The following SDK1 variants were observed in gnomAD, a reference collection of about 807,000 sequenced individuals.
SDK1 encodes sidekick cell adhesion molecule 1, also known as protein sidekick-1.
Under a neutral mutation model 245.5 loss-of-function variants are expected in SDK1, and 157 were observed. The observed-to-expected ratio is 0.64, with a 90% CI of 0.56 to 0.73. SDK1 has a LOEUF of 0.73. Ranked by LOEUF, SDK1 falls within the 30% of genes least tolerant of loss-of-function variation. The pLI is 0.00. For synonymous variants in SDK1, 1,647 were observed against 1,278.5 expected (o/e 1.29, Z -6.15); for missense variants, 3,583 against 3,002.3 (o/e 1.19, Z -4.52).
rs546174942 is a variant in SDK1, at chr7:4,213,411, C to CA, written c.5539+3262dup. ...TGGGCGACAGAGCAAGACTCCGTCT[C>CA]AAAAAAAAAAAAAGAAAACAAAAAT... On this transcript the variant is annotated intron_variant, in intron 38 of 44. Transcript: ENST00000404826. 3.6e-3 allele frequency among the ~76,000 whole-genome samples: 485 copies of CA among 136,208 alleles called. 1 individual carries two copies. The highest frequency in any genetic ancestry group is 4.3e-3 in the Non-Finnish European group (270 of 62,794). 89.4% of individuals were successfully genotyped at this position (136,208 alleles called of 152,430 possible).
At chr7:3,584,816 C>A (rs1183290841) in intron 1 of SDK1, among the ~76,000 whole-genome samples, 1 of 151,832 alleles carries the variant, frequency 6.6e-6, no homozygotes, top group Non-Finnish European at 1.5e-5. Context: ...CTCCGCCTCC[C>A]GGGTTCACGC....
chr7:3,946,435 G>A (rs368387362), intron 5 of SDK1, among the ~76,000 whole-genome samples: 4 of 151,812 alleles, frequency 2.6e-5, no homozygotes, highest in Admixed American at 6.6e-5. Flanking sequence ...CCACCTCAGC[G>A]TCCTGAGTAG....
intron 2 of SDK1, among the ~76,000 whole-genome samples, chr7:3,621,044 C>G (rs1781922801): frequency 6.6e-6 from 1 of 152,102 alleles, no homozygotes; most frequent in South Asian, 2.1e-4. Flanking sequence ...GCCCTCCCCT[C>G]CCGTAAGTGA....
chr7:4,144,419 G>C (rs1232084895), intron 28 of SDK1, among the ~76,000 whole-genome samples: 1 of 151,206 alleles, frequency 6.6e-6, no homozygotes, highest in East Asian at 2.0e-4. Flanking sequence ...CATGGACAGG[G>C]CAGGGCGTGT....
At chr7:3,624,862 A>T (rs544138943) in intron 2 of SDK1, among the ~76,000 whole-genome samples, 1 of 152,074 alleles carries the variant, frequency 6.6e-6, no homozygotes, top group East Asian at 1.9e-4. Context: ...CCTGACCAAC[A>T]TGGAGAAACC....
chr7:4,144,664 G>A (rs575219264), intron 28 of SDK1, among the ~76,000 whole-genome samples: 6 of 152,250 alleles, frequency 3.9e-5, no homozygotes, highest in African/African-American at 1.2e-4. Flanking sequence ...GAAGAGCTGA[G>A]AGAGGGAGGG....
chr7:3,832,856 A>G (rs960979489), intron 5 of SDK1, among the ~76,000 whole-genome samples: 13 of 152,046 alleles, frequency 8.6e-5, no homozygotes, highest in African/African-American at 2.7e-4. Flanking sequence ...CTTCCAATCT[A>G]GTATACCTCT....
intron 4 of SDK1, among the ~76,000 whole-genome samples, chr7:3,796,820 C>T (rs1481769713): frequency 2.6e-5 from 4 of 151,904 alleles, no homozygotes; most frequent in Admixed American, 1.3e-4. Context: ...TTTCAGTTTT[C>T]TTGTTTTTTA....
chr7:4,149,503 C>G, intron 30 of SDK1, 40 bp downstream of exon 30: 1 of 1,346,716 alleles, frequency 7.4e-7, no homozygotes. Flanking sequence ...GGAACGGGGC[C>G]CTGGCCGCCT....
intron 5 of SDK1, among the ~76,000 whole-genome samples, chr7:3,826,019 G>A (rs927522887): frequency 6.6e-6 from 1 of 152,198 alleles, no homozygotes; most frequent in African/African-American, 2.4e-5. Context: ...AACATAAATA[G>A]GAAGTCTATT....
intron 5 of SDK1, among the ~76,000 whole-genome samples, chr7:3,949,258 A>G (rs1277373672): frequency 1.3e-5 from 2 of 152,174 alleles, no homozygotes; most frequent in East Asian, 3.9e-4. Context: ...CAATCAACAT[A>G]TAGATTTTAA....
chr7:4,123,912 G>A (rs1784224027), intron 25 of SDK1, among the ~76,000 whole-genome samples: 1 of 152,214 alleles, frequency 6.6e-6, no homozygotes, highest in South Asian at 2.1e-4. Flanking sequence ...CAGGATCAGG[G>A]AGCGTGCCCC....
intron 1 of SDK1, among the ~76,000 whole-genome samples, chr7:3,531,546 G>A (rs1041218209): frequency 6.6e-6 from 1 of 152,142 alleles, no homozygotes; most frequent in African/African-American, 2.4e-5. Context: ...AGAACATAGT[G>A]TGTAAGTAAT....
At chr7:3,508,160 A>G (rs935416437) in intron 1 of SDK1, among the ~76,000 whole-genome samples, 4 of 151,036 alleles carry the variant, frequency 2.6e-5, no homozygotes, top group African/African-American at 9.8e-5. Context: ...TCTCGTAATT[A>G]CCATCCAGAA....
intron 5 of SDK1, among the ~76,000 whole-genome samples, chr7:3,848,233 G>A (rs964117931): frequency 6.6e-6 from 1 of 152,318 alleles, no homozygotes; most frequent in South Asian, 2.1e-4. Flanking sequence ...CTCTTAACGA[G>A]ATGGATTCAG....
At chr7:3,569,122 C>T (rs1198154155) in intron 1 of SDK1, among the ~76,000 whole-genome samples, 2 of 150,552 alleles carry the variant, frequency 1.3e-5, no homozygotes, top group African/African-American at 2.4e-5. Context: ...AAATTTATAT[C>T]TCGCTTAGTT....
chr7:3,881,786 G>C (rs1193432881), intron 5 of SDK1, among the ~76,000 whole-genome samples: 3 of 152,082 alleles, frequency 2.0e-5, no homozygotes, highest in Admixed American at 6.5e-5. Context: ...CCTATAAATG[G>C]TTCTTCTTTG....
intron 19 of SDK1, among the ~76,000 whole-genome samples, chr7:4,064,616 C>A (rs1049574967): frequency 7.9e-5 from 12 of 152,174 alleles, no homozygotes; most frequent in East Asian, 3.8e-4. Flanking sequence ...ATACCCCATG[C>A]TTACTGCAGC....
chr7:3,780,406 C>G (rs1780695679), intron 4 of SDK1, among the ~76,000 whole-genome samples: 1 of 152,198 alleles, frequency 6.6e-6, no homozygotes, highest in Admixed American at 6.5e-5. Context: ...AGAAAGGAGG[C>G]AGAGGTCATG....
Sources: gnomAD v4.1 joint callset for allele counts (sites outside exome capture counted in the v4.1 genomes callset) on GRCh38, gnomAD v4.1.1 for gene constraint, MANE v1.5 for transcripts, NCBI Gene and HGNC (gene_info 2026-07-23, HGNC 2026-07-21) for gene names.